RNF138: variants seen among roughly 807,000 people sequenced by gnomAD.
RNF138 encodes the protein E3 ubiquitin-protein ligase RNF138.
In RNF138, 12 loss-of-function variants were observed where a neutral mutation model predicts 31.0. The ratio of observed to expected loss-of-function variants is 0.39; its 90% CI spans 0.25 to 0.63. RNF138 has a LOEUF of 0.63. RNF138 is among the 20% of genes least tolerant of loss of function. The pLI is 0.52. For synonymous variants in RNF138, 105 were observed against 99.5 expected, an observed-to-expected ratio of 1.06 and a Z score of -0.33; for missense variants, 192 against 300.1, an observed-to-expected ratio of 0.64 and a Z score of 2.66.
intron 1 of RNF138, 146 bp from the exon 2 acceptor site, chr18:32,092,554 A>T: frequency 1.9e-6 from 1 of 536,578 alleles, no homozygotes; most frequent in South Asian, 2.2e-5. Flanking sequence ...CCCCTGTGGG[A>T]GGAGCCGTGG....
In RNF138 at chr18:32,131,379, TA is replaced by T. The variant is rs2040476462; in HGVS notation, c.*2193del. On this transcript the variant is annotated 3_prime_UTR_variant, in exon 8 of 8. Coordinates refer to ENST00000261593, the MANE Select transcript of RNF138 (RefSeq NM_016271.5). ...GAAATTAAATTTATGGGGAAAAGTT[TA>T]TTTTTAATATTACTTATAGCTGAGT... The T allele has an allele frequency of 6.6e-6, 1 of 151,958 alleles. No individual in the cohort carries two copies. The highest frequency in any genetic ancestry group is 6.6e-5 in the Admixed American group (1 of 15,250). 9.4% of individuals were successfully genotyped at this position (151,958 alleles called of 1,614,324 possible). A position where few individuals can be genotyped will look rare whatever the true frequency, so the allele number is the denominator to read the frequency against.
At chr18:32,101,484 C>T (rs1284082748) in intron 2 of RNF138, among the ~76,000 whole-genome samples, 1 of 152,084 alleles carries the variant, frequency 6.6e-6, no homozygotes, top group Non-Finnish European at 1.5e-5. Flanking sequence ...TTGCCTGCCT[C>T]ACTCTTACAG....
intron 4 of RNF138, among the ~76,000 whole-genome samples, chr18:32,120,001 T>C (rs945671868): frequency 1.3e-5 from 2 of 152,132 alleles, no homozygotes; most frequent in Non-Finnish European, 2.9e-5. Flanking sequence ...ATATAGAAAA[T>C]CATTATGTTC....
At chr18:32,110,448 G>A (rs930544390) in intron 2 of RNF138, among the ~76,000 whole-genome samples, 5 of 152,196 alleles carry the variant, frequency 3.3e-5, no homozygotes, top group African/African-American at 7.2e-5. Context: ...AGCCGAATCA[G>A]TTGTAGATAC....
chr18:32,119,140 G>T (rs142459990), intron 4 of RNF138, among the ~76,000 whole-genome samples: 26 of 152,302 alleles, frequency 1.7e-4, no homozygotes, highest in African/African-American at 6.3e-4. Context: ...TGAGGAGTCA[G>T]TTCTTTGTCT....
chr18:32,101,588 A>G (rs959465806), intron 2 of RNF138, among the ~76,000 whole-genome samples: 6 of 152,310 alleles, frequency 3.9e-5, no homozygotes, highest in African/African-American at 1.4e-4. Flanking sequence ...TAAGAATTCA[A>G]GATCATGAAT....
Position 32,116,738 on chromosome 18 carries a change from G to T in RNF138, c.392+2878G>T, listed in dbSNP as rs568710660. Among the ~76,000 whole-genome samples the T allele has an allele frequency of 2.5e-4, 35 of 140,812 alleles. No homozygotes were observed. In the East Asian group the frequency reaches 7.7e-3, roughly 31 times the overall value. The allele number at this position is 140,812 out of a possible 152,430, so 92.4% of individuals were successfully genotyped here. On this transcript the variant is annotated intron_variant, in intron 4 of 7. Transcript: ENST00000261593. Reference sequence around the variant, plus strand: ...ATCTAATTTTTTGATTTTTTGGGGTGGGGGGGTGGTTTTTGGTGTTAAACA... The same window carrying T: ...ATCTAATTTTTTGATTTTTTGGGGTTGGGGGGTGGTTTTTGGTGTTAAACA...
intron 2 of RNF138, among the ~76,000 whole-genome samples, chr18:32,102,405 G>A (rs563342857): frequency 5.9e-5 from 9 of 151,634 alleles, no homozygotes; most frequent in Admixed American, 5.3e-4. Flanking sequence ...GTTTCACCAT[G>A]TTAGCTGGGA....
chr18:32,116,737 T>TG (rs61555941), intron 4 of RNF138, among the ~76,000 whole-genome samples: 5,437 of 150,510 alleles, frequency 0.036, 206 homozygotes, highest in East Asian at 0.24. Context: ...TTTTTTGGGG[T>TG]GGGGGGGTGG....
chr18:32,122,212 A>G (rs533719843), intron 4 of RNF138, among the ~76,000 whole-genome samples: 1 of 152,090 alleles, frequency 6.6e-6, no homozygotes, highest in Non-Finnish European at 1.5e-5. Context: ...CGCTTGGGCT[A>G]TGTGTGGAGA....
At chr18:32,101,122 T>C (rs2039931084) in intron 2 of RNF138, among the ~76,000 whole-genome samples, 1 of 152,074 alleles carries the variant, frequency 6.6e-6, no homozygotes. Flanking sequence ...GAAGAAACAT[T>C]CTGGACAAAG....
intron 2 of RNF138, among the ~76,000 whole-genome samples, chr18:32,111,045 G>A (rs1187766047): frequency 6.6e-6 from 1 of 152,252 alleles, no homozygotes; most frequent in Non-Finnish European, 1.5e-5. Context: ...GTCCCAAAGT[G>A]CTGGGATTAC....
chr18:32,118,000 T>TTAC (rs1359737910), intron 4 of RNF138, among the ~76,000 whole-genome samples: 6 of 152,356 alleles, frequency 3.9e-5, no homozygotes, highest in African/African-American at 9.6e-5. Flanking sequence ...CAGGCTGTTC[T>TTAC]TACTAATCTT....
intron 4 of RNF138, among the ~76,000 whole-genome samples, chr18:32,116,240 T>G (rs544090631): frequency 6.6e-6 from 1 of 152,286 alleles, no homozygotes; most frequent in Non-Finnish European, 1.5e-5. Flanking sequence ...GCTGATTGAC[T>G]TTTTTCTTCT....
intron 2 of RNF138, among the ~76,000 whole-genome samples, chr18:32,096,322 GAA>G (rs1296602948): frequency 6.6e-6 from 1 of 152,126 alleles, no homozygotes; most frequent in African/African-American, 2.4e-5. Flanking sequence ...GTCAGGGAGA[GAA>G]ATGATTAGAA....
intron 6 of RNF138, chr18:32,125,099 A>G: frequency 3.2e-6 from 1 of 313,440 alleles, no homozygotes; most frequent in Non-Finnish European, 6.0e-6. Context: ...GAGTGAAGTA[A>G]TGAAAGATGA....
chr18:32,126,862 TTG>T, intron 7 of RNF138, 62 bp downstream of exon 7: 1 of 1,038,526 alleles, frequency 9.6e-7, no homozygotes. Flanking sequence ...AATAACTTTT[TTG>T]TAATCGACTT....
At chr18:32,103,003 T>C (rs1433409450) in intron 2 of RNF138, among the ~76,000 whole-genome samples, 1 of 152,242 alleles carries the variant, frequency 6.6e-6, no homozygotes. Context: ...TTTATGCCTT[T>C]AAATATTTGC....
At chr18:32,105,520 G>A (rs1027549413) in intron 2 of RNF138, among the ~76,000 whole-genome samples, 11 of 152,168 alleles carry the variant, frequency 7.2e-5, no homozygotes, top group African/African-American at 2.7e-4. Context: ...AGGAAAAGGT[G>A]GCTTTGATCA....
Sources: allele counts gnomAD v4.1 joint callset (sites outside exome capture counted in the v4.1 genomes callset), GRCh38; gene constraint gnomAD v4.1.1; transcripts MANE v1.5; gene names NCBI Gene and HGNC (gene_info 2026-07-23, HGNC 2026-07-21).